Variants in ZNF516 observed in about 807,000 individuals in gnomAD.
ZNF516 encodes zinc finger protein 516.
ZNF516 carries 19 observed loss-of-function variants against 79.7 expected under a neutral mutation model. That is an observed-to-expected ratio of 0.24 (90% CI 0.17 to 0.35). ZNF516 has a LOEUF of 0.35. Ranked by LOEUF, ZNF516 falls within the 10% of genes least tolerant of loss-of-function variation. ZNF516 has a pLI of 1.00. For synonymous variants in ZNF516, 877 were observed against 739.5 expected (o/e 1.19, Z -3.02); for missense variants, 1,678 against 1,679.5 (o/e 1.00, Z 0.02).
chr18:76,442,668 G>A lies in ZNF516; in HGVS notation c.387C>T (p.Asn129=), dbSNP rs779202060. The change falls in exon 3 of 7, where the codon AAC becomes AAT. Residue 129 remains asparagine (N), a synonymous_variant. Coordinates refer to ENST00000443185, the MANE Select transcript of ZNF516 (RefSeq NM_014643.4). The part of the protein sequence containing the change: ...KSASACNRLL[N]GASQADGARV... ...TGGCGCCGTCGGCCTGCGAGGCCCCGTTCAGCAGCCGGTTGCAGGCCGAGG... is the reference window on the plus strand; with the variant it reads ...TGGCGCCGTCGGCCTGCGAGGCCCCATTCAGCAGCCGGTTGCAGGCCGAGG... The A allele has an allele frequency of 3.8e-6, 6 of 1,584,738 alleles. No individual in the cohort carries two copies. The African/African-American group carries it at 5.4e-5, about 14-fold the overall frequency.
intron 3 of ZNF516, among the ~76,000 whole-genome samples, chr18:76,392,610 T>C (rs36096080): frequency 3.1e-3 from 147 of 47,374 alleles, no homozygotes; most frequent in Non-Finnish European, 3.9e-3. Context: ...GAAGGGCAGG[T>C]GGGAAGACAA....
At chr18:76,458,836 TTGTG>T (rs1390095882) in intron 2 of ZNF516, among the ~76,000 whole-genome samples, 1 of 145,108 alleles carries the variant, frequency 6.9e-6, no homozygotes, top group South Asian at 2.2e-4. Flanking sequence ...TGCCTCACCG[TTGTG>T]TGTGTGCATG....
At chr18:76,495,304 A>ACGCGCCCGGCCCCCTCCT (rs1414907122), upstream of ZNF516, 1 of 142,988 alleles carries the variant, frequency 7.0e-6, no homozygotes, top group Non-Finnish European at 1.5e-5. Flanking sequence ...GGGGCCCGCC[A>ACGCGCCCGGCCCCCTCCT]CGCGCCCGGC....
chr18:76,366,224 G>A (rs769084939), intron 6 of ZNF516, among the ~76,000 whole-genome samples: 10 of 152,102 alleles, frequency 6.6e-5, no homozygotes, highest in Non-Finnish European at 1.2e-4. Context: ...GATTTACCTG[G>A]CCCTCGTGCC....
intron 3 of ZNF516, among the ~76,000 whole-genome samples, chr18:76,419,810 A>G (rs2075482245): frequency 6.6e-6 from 1 of 152,312 alleles, no homozygotes; most frequent in East Asian, 1.9e-4. Flanking sequence ...ACCCAATCTC[A>G]GGTATGTCTT....
chr18:76,415,057 G>A (rs1011652821), intron 3 of ZNF516, among the ~76,000 whole-genome samples: 5 of 152,198 alleles, frequency 3.3e-5, no homozygotes, highest in Non-Finnish European at 5.9e-5. Context: ...AATTAGCCAA[G>A]TGTAGTGGTA....
rs148764305 is a variant in ZNF516, at chr18:76,456,474, C to T, written c.-158+6554G>A. ...TGTTAAAAGTCGGCTCAGGGATTAG[C>T]CTATCCCGGCCAGCCTTCTGGGACC... On this transcript the variant is annotated intron_variant, in intron 2 of 6. Coordinates refer to ENST00000443185, the MANE Select transcript of ZNF516 (RefSeq NM_014643.4). Among the ~76,000 whole-genome samples, 837 of 152,310 alleles carry T rather than the reference C, an allele frequency of 5.5e-3. 3 individuals are homozygous for T. Among genetic ancestry groups the T allele is most frequent in the Non-Finnish European group, 8.7e-3 (592 of 68,030 alleles).
intron 3 of ZNF516, among the ~76,000 whole-genome samples, chr18:76,431,082 C>A (rs943585737): frequency 6.6e-6 from 1 of 152,240 alleles, no homozygotes; most frequent in African/African-American, 2.4e-5. Flanking sequence ...TATGCAAAGG[C>A]TTATGCAAAT....
chr18:76,489,288 G>A (rs1418050354), intron 1 of ZNF516, among the ~76,000 whole-genome samples: 1 of 152,140 alleles, frequency 6.6e-6, no homozygotes, highest in African/African-American at 2.4e-5. Flanking sequence ...AAATTGCTAG[G>A]TCACATTATC....
intron 3 of ZNF516, among the ~76,000 whole-genome samples, chr18:76,435,124 T>C (rs1440686628): frequency 6.6e-6 from 1 of 152,192 alleles, no homozygotes; most frequent in Non-Finnish European, 1.5e-5. Flanking sequence ...TCTATGATCC[T>C]ATCTTGAGTT....
intron 2 of ZNF516, among the ~76,000 whole-genome samples, chr18:76,452,224 G>C (rs1186745527): frequency 1.3e-5 from 2 of 152,244 alleles, no homozygotes; most frequent in African/African-American, 2.4e-5. Context: ...GGGGCAGCCA[G>C]AGAACAATGT....
intron 3 of ZNF516, among the ~76,000 whole-genome samples, chr18:76,397,779 T>G (rs1276664108): frequency 6.6e-6 from 1 of 152,082 alleles, no homozygotes; most frequent in Non-Finnish European, 1.5e-5. Context: ...TTAAAAACTT[T>G]TTGTAGAGAT....
intron 2 of ZNF516, among the ~76,000 whole-genome samples, chr18:76,455,767 T>TA (rs1422295925): frequency 6.6e-6 from 1 of 152,178 alleles, no homozygotes; most frequent in Non-Finnish European, 1.5e-5. Flanking sequence ...AGTCTGCACT[T>TA]ACACACGTGA....
intron 3 of ZNF516, among the ~76,000 whole-genome samples, chr18:76,406,066 C>T (rs892170302): frequency 2.1e-4 from 32 of 152,320 alleles, no homozygotes; most frequent in South Asian, 2.1e-3. Flanking sequence ...CGACAGCGCA[C>T]GCAGGTGAGG....
chr18:76,431,469 G>A (rs1568284843), intron 3 of ZNF516, among the ~76,000 whole-genome samples: 1 of 152,214 alleles, frequency 6.6e-6, no homozygotes, highest in Admixed American at 6.5e-5. Context: ...GAGAGGGGCT[G>A]CTCTGGAAGG....
At chr18:76,362,677 A>C in intron 6 of ZNF516, 120 bp from the exon 7 acceptor site, 1 of 1,011,942 alleles carries the variant, frequency 9.9e-7, no homozygotes, top group South Asian at 1.6e-5. Context: ...ACCTTCACAA[A>C]GCAAGCCAAC....
chr18:76,482,981 G>A (rs1000776501), intron 1 of ZNF516, among the ~76,000 whole-genome samples: 10 of 152,154 alleles, frequency 6.6e-5, no homozygotes, highest in African/African-American at 9.7e-5. Flanking sequence ...AAATAATGAA[G>A]AGTACTCAGT....
chr18:76,410,137 T>A (rs903888971), intron 3 of ZNF516, among the ~76,000 whole-genome samples: 2 of 152,096 alleles, frequency 1.3e-5, no homozygotes, highest in African/African-American at 4.8e-5. Context: ...CACCCAGTCT[T>A]GGGTATGTCT....
chr18:76,440,452 A>C (rs546520332), intron 3 of ZNF516, among the ~76,000 whole-genome samples: 1 of 152,268 alleles, frequency 6.6e-6, no homozygotes, highest in South Asian at 2.1e-4. Flanking sequence ...GAAACATGCA[A>C]GTTCTCTAAC....
Sources: gnomAD v4.1 joint callset for allele counts (sites outside exome capture counted in the v4.1 genomes callset) on GRCh38, gnomAD v4.1.1 for gene constraint, MANE v1.5 for transcripts, NCBI Gene and HGNC (gene_info 2026-07-23, HGNC 2026-07-21) for gene names.